Variants in RANBP3 observed in about 807,000 individuals in gnomAD.
RANBP3 encodes RAN binding protein 3, also known as ran-binding protein 3.
RANBP3 carries 14 observed loss-of-function variants against 77.3 expected under a neutral mutation model. The observed-to-expected ratio is 0.18, with a 90% confidence interval of 0.12 to 0.28. RANBP3 has a LOEUF of 0.28. RANBP3 is among the 10% of genes least tolerant of loss of function. RANBP3 has a pLI of 1.00. For missense variants in RANBP3, 586 were observed against 752.3 expected (o/e 0.78, Z 2.59); for synonymous variants, 315 against 312.4 (o/e 1.01, Z -0.09).
At chr19:5,928,166 C>A in intron 8 of RANBP3, 79 bp from the exon 9 acceptor site, 2 of 1,523,936 alleles carry the variant, frequency 1.3e-6, no homozygotes, top group East Asian at 2.3e-5. Flanking sequence ...CAATCCCACA[C>A]CAGATCATGT....
intron 1 of RANBP3, among the ~76,000 whole-genome samples, chr19:5,968,931 G>A (rs1184912676): frequency 6.6e-6 from 1 of 152,258 alleles, no homozygotes; most frequent in East Asian, 1.9e-4. Context: ...GGAGCTGGGT[G>A]CTGCAGAGAA....
intron 3 of RANBP3, among the ~76,000 whole-genome samples, chr19:5,945,040 G>A (rs1044608704): frequency 1.3e-5 from 2 of 152,122 alleles, no homozygotes; most frequent in South Asian, 4.2e-4. Flanking sequence ...ACCCCTTGGT[G>A]AGGTGACCTC....
At chr19:5,940,864 G>A (rs1435103339) in intron 5 of RANBP3, among the ~76,000 whole-genome samples, 1 of 152,378 alleles carries the variant, frequency 6.6e-6, no homozygotes, top group Non-Finnish European at 1.5e-5. Flanking sequence ...CAAATCTGCA[G>A]AGTTGTGCCC....
intron 11 of RANBP3, 48 bp from the exon 12 acceptor site, chr19:5,923,962 T>A (rs780174358): frequency 6.9e-7 from 1 of 1,441,850 alleles, no homozygotes; most frequent in East Asian, 2.3e-5. Context: ...TGTGTGGTCC[T>A]TCAGCAGCAG....
chr19:5,936,889 C>T (rs151139970), intron 5 of RANBP3, among the ~76,000 whole-genome samples: 1 of 151,566 alleles, frequency 6.6e-6, no homozygotes, highest in South Asian at 2.1e-4. Flanking sequence ...CTAATCAACG[C>T]GGCAGGGATG....
intron 12 of RANBP3, among the ~76,000 whole-genome samples, chr19:5,923,597 A>G (rs1199759433): frequency 1.3e-5 from 2 of 151,402 alleles, no homozygotes; most frequent in African/African-American, 4.9e-5. Context: ...GCGCCTCCCC[A>G]CCCTCCCCAC....
Position 5,931,456 on chromosome 19 carries a change from G to A in RANBP3, c.641C>T (p.Thr214Ile). Residue 214 changes from threonine to isoleucine, a missense_variant, in exon 8 of 17, where the codon ACT becomes ATT. This residue lies in a region of RANBP3 where 232 missense variants were observed against 271.7 expected (regional missense o/e 0.85). Transcript: ENST00000340578. ...TGAVPAASPD[T>I]AAWRSPSEAA... ...TTCGGAAGGACTTCTCCATGCAGCAGTGTCAGGGGATGCTGCGGGCACTGC... is the reference window on the plus strand; with the variant it reads ...TTCGGAAGGACTTCTCCATGCAGCAATGTCAGGGGATGCTGCGGGCACTGC... 5.0e-6 allele frequency: 8 copies of A among 1,613,040 alleles called. No individual in the cohort carries two copies. The highest frequency in any genetic ancestry group is 1.1e-5 in the South Asian group (1 of 91,042).
chr19:5,961,752 A>ACAAAG (rs1297351279), intron 1 of RANBP3, among the ~76,000 whole-genome samples: 4 of 151,890 alleles, frequency 2.6e-5, no homozygotes, highest in African/African-American at 9.7e-5. Flanking sequence ...ACAAAACAAA[A>ACAAAG]CAAAACAAAA....
intron 1 of RANBP3, among the ~76,000 whole-genome samples, chr19:5,963,862 C>T (rs1371586567): frequency 6.6e-6 from 1 of 152,188 alleles, no homozygotes. Flanking sequence ...ACCCTCGTCC[C>T]ATCTAGCATC....
chr19:5,977,762 C>T (rs983763606), intron 1 of RANBP3, among the ~76,000 whole-genome samples: 1 of 152,234 alleles, frequency 6.6e-6, no homozygotes, highest in Non-Finnish European at 1.5e-5. Context: ...CCTCCCGCCC[C>T]CTTCAGCCCC....
intron 10 of RANBP3, chr19:5,925,120 A>C: frequency 1.7e-6 from 1 of 571,948 alleles, no homozygotes; most frequent in Non-Finnish European, 3.1e-6. Context: ...GGGGCCCCAC[A>C]GCATGAGGGA....
chr19:5,941,562 G>A, intron 5 of RANBP3, 59 bp downstream of exon 5: 1 of 1,426,834 alleles, frequency 7.0e-7, no homozygotes, highest in Non-Finnish European at 9.8e-7. Flanking sequence ...GGCACTGAGG[G>A]GAATGGCGGG....
chr19:5,968,280 G>A (rs562325322), intron 1 of RANBP3, among the ~76,000 whole-genome samples: 2 of 152,346 alleles, frequency 1.3e-5, no homozygotes, highest in Admixed American at 6.5e-5. Flanking sequence ...ACTGGAGAGC[G>A]CGGGCTCTGG....
Position 5,921,471 on chromosome 19 carries a change from C to A in RANBP3, c.1210-150G>T. 1 of 810,596 alleles carries A rather than the reference C, an allele frequency of 1.2e-6. No homozygotes were observed. The highest frequency in any genetic ancestry group is 2.8e-5 in the East Asian group (1 of 36,188). 50.2% of individuals were successfully genotyped at this position (810,596 alleles called of 1,614,324 possible). On this transcript the variant is annotated intron_variant, in intron 13 of 16. Coordinates refer to ENST00000340578, the MANE Select transcript of RANBP3 (RefSeq NM_007322.3). The surrounding 1 kb of genome is among the most constrained non-coding windows in gnomAD (Gnocchi z 5.3). ...CTTGGTCAGTTTTTTGTCCTGCCCT[C>A]AAGCTAGAACAGGCTTTACATTGTA... is the stretch of plus-strand genomic sequence containing the variant.
rs562246455 is a variant in RANBP3, at chr19:5,950,424, C to T, written c.282+969G>A. On this transcript the variant is annotated intron_variant, in intron 3 of 16. Coordinates refer to ENST00000340578, the MANE Select transcript of RANBP3 (RefSeq NM_007322.3). ...CCAAAATGTTAACACAGGACTCCAA[C>T]CCACCCCTGGCTGAACAGTGCTTCC... Among the ~76,000 whole-genome samples the T allele has an allele frequency of 3.9e-5, 6 of 152,230 alleles. 1 individual carries two copies. In the South Asian group the frequency reaches 8.3e-4, roughly 21 times the overall value.
rs1039700293 is a variant in RANBP3 at position 5,920,988 on chromosome 19, G to T, written c.1330+213C>A. On this transcript the variant is annotated intron_variant, in intron 14 of 16. Coordinates refer to ENST00000340578, the MANE Select transcript of RANBP3 (RefSeq NM_007322.3). The stretch of plus-strand genomic sequence containing the variant: ...TTTTGACACTAAGAGGGTCACGGAC[G>T]AGCTGGCAGCTGGAGCCAGTGTGTG... 3 of 424,574 alleles carry T rather than the reference G, an allele frequency of 7.1e-6. No homozygotes were observed. In the South Asian group the frequency reaches 1.6e-4, roughly 23 times the overall value. The allele number at this position is 424,574 out of a possible 1,614,324, so 26.3% of individuals were successfully genotyped here.
chr19:5,950,923 C>T, intron 3 of RANBP3: 1 of 187,512 alleles, frequency 5.3e-6, no homozygotes, highest in Non-Finnish European at 1.1e-5. Context: ...AGTCCAAACA[C>T]AATCAGTCTT....
intron 16 of RANBP3, 24 bp downstream of exon 16, chr19:5,917,770 C>T (rs770180989): frequency 1.3e-6 from 2 of 1,596,716 alleles, no homozygotes; most frequent in Non-Finnish European, 1.7e-6. Context: ...CTATCCCCCC[C>T]AGGGTAGGGA....
intron 9 of RANBP3, 152 bp from the exon 10 acceptor site, chr19:5,925,889 TG>T: frequency 1.7e-6 from 1 of 583,916 alleles, no homozygotes; most frequent in South Asian, 1.8e-5. Context: ...GTGCATGTGC[TG>T]GGGGGCAGGG....
Sources: allele counts gnomAD v4.1 joint callset (sites outside exome capture counted in the v4.1 genomes callset), GRCh38; gene constraint gnomAD v4.1.1; regional missense constraint gnomAD v4.1.1; non-coding constraint Gnocchi (gnomAD v3.1); transcripts MANE v1.5; gene names NCBI Gene and HGNC (gene_info 2026-07-23, HGNC 2026-07-21).